PTPRG: variants seen among roughly 807,000 people sequenced by gnomAD.
The protein encoded by PTPRG is protein tyrosine phosphatase receptor type G, also known as receptor-type tyrosine-protein phosphatase gamma.
In PTPRG, 102 loss-of-function variants were observed where a neutral mutation model predicts 165.3. The ratio of observed to expected loss-of-function variants is 0.62; its 90% CI spans 0.53 to 0.73. The LOEUF (loss-of-function observed/expected upper bound fraction) is 0.73. PTPRG is among the 30% of genes least tolerant of loss of function. PTPRG has a pLI of 0.00. For synonymous variants in PTPRG, 675 were observed against 669.5 expected (o/e 1.01, Z -0.13); for missense variants, 1,866 against 1,861.4 (o/e 1.00, Z -0.05).
intron 2 of PTPRG, among the ~76,000 whole-genome samples, chr3:61,986,528 A>G (rs566535650): frequency 3.9e-5 from 6 of 152,332 alleles, no homozygotes; most frequent in African/African-American, 1.2e-4. Context: ...GAGAAACACT[A>G]TTACATTCCC....
chr3:62,094,117 A>G (rs1486383840), intron 5 of PTPRG, among the ~76,000 whole-genome samples: 1 of 152,210 alleles, frequency 6.6e-6, no homozygotes, highest in Non-Finnish European at 1.5e-5. Flanking sequence ...GAACAGAGAT[A>G]TTCAATGATT....
intron 4 of PTPRG, among the ~76,000 whole-genome samples, chr3:62,017,591 AT>A (rs11324791): frequency 0.46 from 65,183 of 142,668 alleles, 14,901 homozygotes; most frequent in East Asian, 0.63. Flanking sequence ...AATTTTTTGT[AT>A]TTTTTTTTTT....
intron 1 of PTPRG, among the ~76,000 whole-genome samples, chr3:61,594,900 C>T (rs1354642049): frequency 2.0e-5 from 3 of 152,122 alleles, no homozygotes; most frequent in Admixed American, 1.3e-4. Flanking sequence ...CTGATCTAAG[C>T]ATAGCTAAAG....
chr3:62,095,822 A>C (rs966780144), intron 5 of PTPRG, among the ~76,000 whole-genome samples: 1 of 152,158 alleles, frequency 6.6e-6, no homozygotes, highest in African/African-American at 2.4e-5. Context: ...AGTGGAAATT[A>C]CAGGCTGAGC....
At chr3:61,616,964 A>G (rs1489534184) in intron 1 of PTPRG, among the ~76,000 whole-genome samples, 1 of 152,224 alleles carries the variant, frequency 6.6e-6, no homozygotes, top group Non-Finnish European at 1.5e-5. Flanking sequence ...TAAGAGGGGC[A>G]TAAAGTAGGT....
At chr3:61,825,435 G>C (rs545044048) in intron 2 of PTPRG, among the ~76,000 whole-genome samples, 1 of 152,292 alleles carries the variant, frequency 6.6e-6, no homozygotes, top group East Asian at 1.9e-4. Context: ...ATAATACAAA[G>C]AGGGAAAAGT....
intron 4 of PTPRG, among the ~76,000 whole-genome samples, chr3:62,008,790 A>G (rs909172986): frequency 6.6e-6 from 1 of 152,196 alleles, no homozygotes; most frequent in African/African-American, 2.4e-5. Context: ...CGTGCAGTTC[A>G]CAATAGGGTT....
intron 1 of PTPRG, among the ~76,000 whole-genome samples, chr3:61,625,918 A>G (rs1701594612): frequency 6.6e-6 from 1 of 152,066 alleles, no homozygotes; most frequent in African/African-American, 2.4e-5. Context: ...TTTCTATGCA[A>G]ATATTTCAAG....
rs774262138 is a variant in PTPRG at position 62,080,061 on chromosome 3, C to CTTTTTTTTT, written c.615+1803_615+1804insTTTTTTTTT. On this transcript the variant is annotated intron_variant, in intron 5 of 29. Transcript: ENST00000474889. Reference sequence around the variant, plus strand: ...GAGTTCTGTCTGGACCCCTTCGGTTCATTTTTTTTTTTTTTTTTTTTGAGA... The same window carrying CTTTTTTTTT: ...GAGTTCTGTCTGGACCCCTTCGGTTCTTTTTTTTTATTTTTTTTTTTTTTTTTTTTGAGA... 6.3e-5 allele frequency among the ~76,000 whole-genome samples: 7 copies of CTTTTTTTTT among 111,570 alleles called. 3 individuals carry two copies. The highest frequency in any genetic ancestry group is 2.5e-4 in the African/African-American group (7 of 27,804). The allele number at this position is 111,570 out of a possible 152,430, so 73.2% of individuals were successfully genotyped here. A position where few individuals can be genotyped will look rare whatever the true frequency, so the allele number is the denominator to read the frequency against.
chr3:62,062,793 G>A (rs575696473), intron 4 of PTPRG, among the ~76,000 whole-genome samples: 216 of 152,224 alleles, frequency 1.4e-3, no homozygotes, highest in Non-Finnish European at 2.4e-3. Context: ...CTCCCAAGTA[G>A]CATGGACCAC....
intron 1 of PTPRG, among the ~76,000 whole-genome samples, chr3:61,572,064 A>G (rs898122325): frequency 1.3e-5 from 2 of 152,210 alleles, no homozygotes; most frequent in Non-Finnish European, 1.5e-5. Flanking sequence ...TCAGATGCCC[A>G]GGACACACTG....
chr3:61,764,432 C>G (rs2033950676), intron 2 of PTPRG, among the ~76,000 whole-genome samples: 1 of 152,220 alleles, frequency 6.6e-6, no homozygotes, highest in Non-Finnish European at 1.5e-5. Flanking sequence ...ATACACAGTT[C>G]TATTCCTACC....
At chr3:61,672,285 A>G (rs1703032534) in intron 1 of PTPRG, among the ~76,000 whole-genome samples, 2 of 127,432 alleles carry the variant, frequency 1.6e-5, no homozygotes, top group Non-Finnish European at 1.7e-5. Flanking sequence ...ATGGGCGGCC[A>G]GGCGGAGACG....
At chr3:61,657,267 A>G (rs1276562346) in intron 1 of PTPRG, among the ~76,000 whole-genome samples, 1 of 151,824 alleles carries the variant, frequency 6.6e-6, no homozygotes, top group South Asian at 2.1e-4. Flanking sequence ...CATGTGGAGG[A>G]CCTCTCTAGA....
At chr3:61,734,577 G>T (rs1365984858) in intron 1 of PTPRG, among the ~76,000 whole-genome samples, 1 of 152,156 alleles carries the variant, frequency 6.6e-6, no homozygotes, top group Admixed American at 6.5e-5. Flanking sequence ...TTGTTCCAGA[G>T]TATTTTACTG....
chr3:61,960,250 G>C (rs1284652090), intron 2 of PTPRG, among the ~76,000 whole-genome samples: 1 of 151,772 alleles, frequency 6.6e-6, no homozygotes, highest in Non-Finnish European at 1.5e-5. Flanking sequence ...TATCCAGTAG[G>C]AGCCCCGTAA....
intron 2 of PTPRG, among the ~76,000 whole-genome samples, chr3:61,976,706 G>A (rs894392384): frequency 2.0e-5 from 3 of 151,746 alleles, no homozygotes; most frequent in Non-Finnish European, 4.4e-5. Context: ...AGGGAGTCTC[G>A]GTGTCTTGCC....
chr3:61,651,938 A>G (rs1245154605), intron 1 of PTPRG, among the ~76,000 whole-genome samples: 1 of 152,160 alleles, frequency 6.6e-6, no homozygotes, highest in Non-Finnish European at 1.5e-5. Context: ...TGAACCTGGG[A>G]GGCTGAGGTT....
chr3:61,576,576 G>A (rs762440967), intron 1 of PTPRG, among the ~76,000 whole-genome samples: 1 of 152,152 alleles, frequency 6.6e-6, no homozygotes, highest in Admixed American at 6.5e-5. Flanking sequence ...CCTGAACGAG[G>A]TCTTAGAATC....
Sources: gnomAD v4.1 joint callset for allele counts (sites outside exome capture counted in the v4.1 genomes callset) on GRCh38, gnomAD v4.1.1 for gene constraint, MANE v1.5 for transcripts, NCBI Gene and HGNC (gene_info 2026-07-23, HGNC 2026-07-21) for gene names.